The following NEDD4L variants were observed in gnomAD, a reference collection of about 807,000 sequenced individuals.
NEDD4L encodes E3 ubiquitin-protein ligase NEDD4-like.
NEDD4L carries 54 observed loss-of-function variants against 148.9 expected under a neutral mutation model. That is an observed-to-expected ratio of 0.36 (90% CI 0.29 to 0.45). The LOEUF is 0.45. NEDD4L is among the 20% of genes least tolerant of loss of function. The pLI is 1.00. For missense variants in NEDD4L, 856 were observed against 1,233.8 expected (o/e 0.69, Z 4.59); for synonymous variants, 433 against 440.7 (o/e 0.98, Z 0.22).
In NEDD4L at chr18:58,396,190, C is replaced by T. The variant is rs1229542194; in HGVS notation, c.2849C>T (p.Pro950Leu). The T allele has an allele frequency of 6.2e-7, 1 of 1,613,274 alleles. No individual in the cohort carries two copies. Among genetic ancestry groups the T allele is most frequent in the Non-Finnish European group, 8.5e-7 (1 of 1,179,544 alleles). ...AGCTTTAATCGCCTTGACTTACCTC[C>T]ATATGAAACCTTTGAAGATTTACGA... ...HTCFNRLDLP[P>L]YETFEDLREK... The change falls in exon 31 of 31, where the codon CCA (proline) becomes CTA (leucine). Residue 950 changes from proline (P) to leucine (L), a missense_variant. Physicochemically the swap from Pro to Leu is moderately conservative, Grantham distance 98. Around this residue, in one of 4 missense-constraint regions of NEDD4L, gnomAD observed 286 missense variants for 531.8 expected, o/e 0.54. Transcript: ENST00000400345.
At chr18:58,245,633 A>T (rs1376675335) in intron 3 of NEDD4L, 125 bp downstream of exon 3, 1 of 369,864 alleles carries the variant, frequency 2.7e-6, no homozygotes. Context: ...GTCCCGTGAG[A>T]TTATAATGGA....
chr18:58,158,193 G>T (rs964090002), intron 1 of NEDD4L, among the ~76,000 whole-genome samples: 1 of 152,186 alleles, frequency 6.6e-6, no homozygotes, highest in Non-Finnish European at 1.5e-5. Flanking sequence ...GTTCCTTATC[G>T]CAGAGATTGC....
rs527464026 is a variant in NEDD4L at position 58,148,288 on chromosome 18, C to G, written c.49-17500C>G. Among the ~76,000 whole-genome samples the G allele has an allele frequency of 2.0e-5, 3 of 149,718 alleles. No individual in the cohort carries two copies. The South Asian group carries it at 6.4e-4, about 32-fold the overall frequency. ...TTGAGCAGTTCTCCTGCCTCAGCCTCCCGAGTAGCTGGGACTACAGGCACA... is the reference window on the plus strand; with the variant it reads ...TTGAGCAGTTCTCCTGCCTCAGCCTGCCGAGTAGCTGGGACTACAGGCACA... On this transcript the variant is annotated intron_variant, in intron 1 of 30. Coordinates refer to ENST00000400345, the MANE Select transcript of NEDD4L (RefSeq NM_001144967.3).
chr18:58,136,865 CACTG>C (rs1944438842), intron 1 of NEDD4L, among the ~76,000 whole-genome samples: 1 of 152,174 alleles, frequency 6.6e-6, no homozygotes, highest in South Asian at 2.1e-4. Context: ...GTGTTGTATA[CACTG>C]ACTGGACAGG....
Position 58,128,701 on chromosome 18 carries a change from G to A in NEDD4L, c.49-37087G>A, listed in dbSNP as rs1376866456. ...GCTGGATGGTGCTTGCTGTTTCTGT[G>A]TGTAAATGTTGGGATTTTTAAAAGC... On this transcript the variant is annotated intron_variant, in intron 1 of 30. Transcript: ENST00000400345. 3.9e-5 allele frequency among the ~76,000 whole-genome samples: 6 copies of A among 152,190 alleles called. 1 individual carries two copies. The highest frequency in any genetic ancestry group is 4.1e-4 in the South Asian group (2 of 4,828).
At chr18:58,148,549 G>C (rs754395846) in intron 1 of NEDD4L, among the ~76,000 whole-genome samples, 7 of 152,210 alleles carry the variant, frequency 4.6e-5, no homozygotes, top group African/African-American at 7.2e-5. Context: ...TTCTTGGCTT[G>C]CAGGTGGCCC....
intron 5 of NEDD4L, among the ~76,000 whole-genome samples, chr18:58,278,709 A>G (rs936567103): frequency 1.3e-5 from 2 of 149,672 alleles, no homozygotes. Flanking sequence ...CAGCCCCCTC[A>G]CTCTGCCCTG....
chr18:58,202,022 C>A (rs1388230147), intron 2 of NEDD4L, among the ~76,000 whole-genome samples: 5 of 152,278 alleles, frequency 3.3e-5, no homozygotes, highest in Non-Finnish European at 5.9e-5. Context: ...GTATTTTTGT[C>A]GAGGCATTCC....
intron 1 of NEDD4L, among the ~76,000 whole-genome samples, chr18:58,082,422 C>T (rs915572239): frequency 2.7e-5 from 4 of 150,890 alleles, no homozygotes; most frequent in African/African-American, 9.8e-5. Flanking sequence ...CGAGATAGTA[C>T]TGTTTATGCA....
chr18:58,287,001 G>A (rs761003303), intron 5 of NEDD4L, among the ~76,000 whole-genome samples: 3 of 152,010 alleles, frequency 2.0e-5, no homozygotes, highest in Non-Finnish European at 4.4e-5. Flanking sequence ...ATGAACAACT[G>A]CAGGGTAACA....
intron 1 of NEDD4L, among the ~76,000 whole-genome samples, chr18:58,131,967 A>G (rs1474004435): frequency 2.0e-5 from 3 of 152,156 alleles, no homozygotes; most frequent in African/African-American, 7.2e-5. Flanking sequence ...AAAAGGTGAG[A>G]TCAAACATCC....
chr18:58,342,808 C>A, intron 15 of NEDD4L, 98 bp from the exon 16 acceptor site: 2 of 892,656 alleles, frequency 2.2e-6, no homozygotes, highest in Non-Finnish European at 3.1e-6. Flanking sequence ...TCCCTCTTGT[C>A]CATCTCCAAA....
chr18:58,090,294 T>C (rs938408453), intron 1 of NEDD4L, among the ~76,000 whole-genome samples: 2 of 152,250 alleles, frequency 1.3e-5, no homozygotes, highest in African/African-American at 4.8e-5. Context: ...GAGGTTTTAC[T>C]ATAAGTGTAA....
chr18:58,154,719 C>T (rs1423036773), intron 1 of NEDD4L, among the ~76,000 whole-genome samples: 1 of 152,138 alleles, frequency 6.6e-6, no homozygotes, highest in Non-Finnish European at 1.5e-5. Context: ...CCCAGGGAGG[C>T]GGAGGTTGTA....
chr18:58,068,520 A>G (rs1184100803), intron 1 of NEDD4L, among the ~76,000 whole-genome samples: 3 of 152,196 alleles, frequency 2.0e-5, no homozygotes, highest in African/African-American at 4.8e-5. Flanking sequence ...ATTCTTAAAC[A>G]TTAAGGACAG....
At chr18:58,126,956 C>T (rs1454712827) in intron 1 of NEDD4L, among the ~76,000 whole-genome samples, 1 of 152,260 alleles carries the variant, frequency 6.6e-6, no homozygotes. Context: ...CTGGGGTTGA[C>T]TGACCAGAGA....
At chr18:58,093,571 T>C (rs1189249892) in intron 1 of NEDD4L, among the ~76,000 whole-genome samples, 1 of 152,216 alleles carries the variant, frequency 6.6e-6, no homozygotes, top group Non-Finnish European at 1.5e-5. Context: ...TTCAATTCAC[T>C]ACTGTGCGCA....
chr18:58,300,546 A>G (rs2056325257), intron 5 of NEDD4L, among the ~76,000 whole-genome samples: 1 of 152,260 alleles, frequency 6.6e-6, no homozygotes, highest in Non-Finnish European at 1.5e-5. Flanking sequence ...GGCCAGGAAT[A>G]GAGCGAAAGA....
At chr18:58,106,971 A>G (rs938729278) in intron 1 of NEDD4L, among the ~76,000 whole-genome samples, 1 of 152,138 alleles carries the variant, frequency 6.6e-6, no homozygotes, top group Non-Finnish European at 1.5e-5. Flanking sequence ...AACCTCAGAC[A>G]TTTATTTATT....
Sources: gnomAD v4.1 joint callset for allele counts (sites outside exome capture counted in the v4.1 genomes callset) on GRCh38, gnomAD v4.1.1 for gene constraint, gnomAD v4.1.1 regional missense constraint, MANE v1.5 for transcripts, NCBI Gene and HGNC (gene_info 2026-07-23, HGNC 2026-07-21) for gene names.